LAMA1: variants seen among roughly 807,000 people sequenced by gnomAD.
LAMA1 encodes the protein laminin subunit alpha-1.
LAMA1 carries 219 observed loss-of-function variants against 348.7 expected under a neutral mutation model. The ratio of observed to expected loss-of-function variants is 0.63; its 90% CI spans 0.56 to 0.70. The LOEUF is 0.70. Ranked by LOEUF, LAMA1 falls within the 30% of genes least tolerant of loss-of-function variation. The probability of loss-of-function intolerance (pLI) is 0.00; values close to 1 mark genes in which losing one functional copy is unlikely to be tolerated. For missense variants in LAMA1, 3,744 were observed against 3,888.0 expected (o/e 0.96, Z 0.99); for synonymous variants, 1,487 against 1,491.0 (o/e 1.00, Z 0.06).
chr18:6,968,333 A>C, intron 48 of LAMA1, among the ~76,000 whole-genome samples: 1 of 152,186 alleles, frequency 6.6e-6, no homozygotes, highest in South Asian at 2.1e-4. Context: ...GAGCTGACCT[A>C]CTAGCATGCC....
At chr18:7,032,842 T>G in intron 15 of LAMA1, 142 bp downstream of exon 15, 2 of 706,110 alleles carry the variant, frequency 2.8e-6, no homozygotes, top group Non-Finnish European at 5.1e-6. Context: ...ACTTCTAATA[T>G]TTCTATTGCC....
intron 48 of LAMA1, among the ~76,000 whole-genome samples, chr18:6,968,272 C>A (rs1193687360): frequency 6.6e-6 from 1 of 152,188 alleles, no homozygotes; most frequent in African/African-American, 2.4e-5. Flanking sequence ...GGAAGAATCA[C>A]CAGACCTCCC....
intron 1 of LAMA1, among the ~76,000 whole-genome samples, chr18:7,081,587 C>A (rs2058193654): frequency 6.6e-6 from 1 of 152,170 alleles, no homozygotes; most frequent in Non-Finnish European, 1.5e-5. Flanking sequence ...AGTACCAGGT[C>A]CAAACTATTC....
At chr18:7,085,032 T>C (rs915042193) in intron 1 of LAMA1, among the ~76,000 whole-genome samples, 1 of 151,682 alleles carries the variant, frequency 6.6e-6, no homozygotes, top group African/African-American at 2.4e-5. Context: ...TTTTCCATTT[T>C]GGAAAAAAAA....
At chr18:7,023,470 C>T (rs764278832) in intron 18 of LAMA1, 95 bp from the exon 19 acceptor site, 93 of 990,820 alleles carry the variant, frequency 9.4e-5, no homozygotes, top group Non-Finnish European at 1.4e-4. Flanking sequence ...ATAAATCAGA[C>T]GGACTCTGTT....
chr18:7,053,616 C>A (rs2058070367), intron 3 of LAMA1, among the ~76,000 whole-genome samples: 1 of 152,052 alleles, frequency 6.6e-6, no homozygotes, highest in Non-Finnish European at 1.5e-5. Flanking sequence ...CAGACAAATC[C>A]TGGATTTGGA....
intron 61 of LAMA1, among the ~76,000 whole-genome samples, chr18:6,946,712 TC>T (rs745431751): frequency 4.6e-4 from 70 of 152,102 alleles, no homozygotes; most frequent in Non-Finnish European, 7.2e-4. Context: ...AGAGCGAAAC[TC>T]CGTCTCAAAA....
intron 47 of LAMA1, 47 bp downstream of exon 47, chr18:6,973,010 T>A (rs2057665154): frequency 6.2e-7 from 1 of 1,609,484 alleles, no homozygotes; most frequent in African/African-American, 1.3e-5. Context: ...TATATATAGG[T>A]AAAATCAGTC....
intron 1 of LAMA1, among the ~76,000 whole-genome samples, chr18:7,102,799 T>C (rs1281150641): frequency 6.6e-6 from 1 of 152,242 alleles, no homozygotes; most frequent in Non-Finnish European, 1.5e-5. Context: ...TGTGTGTTAA[T>C]GAATTTCTGG....
chr18:6,977,822 G>T lies in LAMA1; in HGVS notation c.6250C>A (p.Arg2084=), dbSNP rs146111631. ...TCTAACATCTTCAAAGGCTTCAACC[G>T]ATCAAACAAAAGGTTGGCTTGAATT... is the stretch of plus-strand genomic sequence containing the variant. ...VEIQANLLFD[R]LKPLKMLEEN... Residue 2084 remains arginine (R), a synonymous_variant, in exon 44 of 63, where the codon CGG becomes AGG. Coordinates refer to ENST00000389658, the MANE Select transcript of LAMA1 (RefSeq NM_005559.4). 17 of 1,614,054 alleles carry T rather than the reference G, an allele frequency of 1.1e-5. No individual in the cohort carries two copies. Among genetic ancestry groups the T allele is most frequent in the Non-Finnish European group, 1.4e-5 (17 of 1,180,010 alleles).
At chr18:7,088,044 A>T (rs1255247814) in intron 1 of LAMA1, among the ~76,000 whole-genome samples, 1 of 152,174 alleles carries the variant, frequency 6.6e-6, no homozygotes, top group African/African-American at 2.4e-5. Flanking sequence ...TTAGAAGAAG[A>T]AGTGGGTTGG....
chr18:6,984,469 A>G (rs2057725638), intron 39 of LAMA1, among the ~76,000 whole-genome samples: 1 of 152,180 alleles, frequency 6.6e-6, no homozygotes, highest in Non-Finnish European at 1.5e-5. Context: ...TTTGCAGCAC[A>G]TTAGAATCAC....
rs769371402 is a variant in LAMA1, at chr18:6,966,177, T to C, written c.7020A>G (p.Gly2340=). 2 of 1,614,074 alleles carry C rather than the reference T, an allele frequency of 1.2e-6. No individual in the cohort carries two copies. The highest frequency in any genetic ancestry group is 8.5e-7 in the Non-Finnish European group (1 of 1,180,004). ...IMLFNTFSPN[G]LLLYLGSYGT... ...CGTATGAACCCAGGTAGAGAAGAAGTCCATTAGGTGAAAAGGTATTAAAAA... is the reference window on the plus strand; with the variant it reads ...CGTATGAACCCAGGTAGAGAAGAAGCCCATTAGGTGAAAAGGTATTAAAAA... The change falls in exon 49 of 63, where the codon GGA becomes GGG. Residue 2340 remains glycine, a synonymous_variant. Coordinates refer to ENST00000389658, the MANE Select transcript of LAMA1 (RefSeq NM_005559.4).
chr18:6,949,771 C>T (rs1198431744), intron 58 of LAMA1, among the ~76,000 whole-genome samples: 1 of 152,212 alleles, frequency 6.6e-6, no homozygotes, highest in Admixed American at 6.5e-5. Flanking sequence ...AACTAACTCC[C>T]TCCTTGCTCA....
chr18:6,972,016 A>G, intron 47 of LAMA1, 35 bp from the exon 48 acceptor site: 1 of 1,611,638 alleles, frequency 6.2e-7, no homozygotes, highest in Non-Finnish European at 8.5e-7. Context: ...TAACCAATAT[A>G]TAAGCTGACC....
intron 1 of LAMA1, among the ~76,000 whole-genome samples, chr18:7,105,138 A>G (rs1215089870): frequency 6.6e-6 from 1 of 152,152 alleles, no homozygotes; most frequent in Non-Finnish European, 1.5e-5. Flanking sequence ...TGAATTATCA[A>G]TTATTAAAGA....
chr18:7,021,910 A>G (rs2057919646), intron 19 of LAMA1, among the ~76,000 whole-genome samples: 1 of 147,766 alleles, frequency 6.8e-6, no homozygotes, highest in Admixed American at 6.8e-5. Context: ...AGTAATTATA[A>G]TAGCTGCCAT....
intron 22 of LAMA1, among the ~76,000 whole-genome samples, chr18:7,015,401 C>G (rs1217271105): frequency 1.3e-5 from 2 of 152,142 alleles, no homozygotes; most frequent in African/African-American, 2.4e-5. Flanking sequence ...TCCCAAGTAG[C>G]TGAGACCACA....
chr18:6,943,357 A>T lies in LAMA1; in HGVS notation c.8890T>A (p.Tyr2964Asn). 3 of 1,614,182 alleles carry T rather than the reference A, an allele frequency of 1.9e-6. No individual in the cohort carries two copies. Among genetic ancestry groups the T allele is most frequent in the Non-Finnish European group, 2.5e-6 (3 of 1,180,044 alleles). The part of the protein sequence containing the change: ...NNGAGRITAA[Y>N]EPKTATVLCD... ...AGCACAGTGGCGGTTTTGGGCTCATATGCAGCTGTTATCCTGCCAGCACCA... is the reference window on the plus strand; with the variant it reads ...AGCACAGTGGCGGTTTTGGGCTCATTTGCAGCTGTTATCCTGCCAGCACCA... Residue 2964 changes from tyrosine to asparagine, a missense_variant, in exon 62 of 63, where the codon TAT (tyrosine) becomes AAT (asparagine). Physicochemically the swap from Tyr to Asn is moderately radical, Grantham distance 143 (BLOSUM62 -2). Around this residue, in one of 3 missense-constraint regions of LAMA1, gnomAD observed 232 missense variants for 264.4 expected, o/e 0.88. Transcript: ENST00000389658.
Sources: allele counts gnomAD v4.1 joint callset (sites outside exome capture counted in the v4.1 genomes callset), GRCh38; gene constraint gnomAD v4.1.1; regional missense constraint gnomAD v4.1.1; transcripts MANE v1.5; gene names NCBI Gene and HGNC (gene_info 2026-07-23, HGNC 2026-07-21).